STT3B: variants seen among roughly 807,000 people sequenced by gnomAD.
STT3B encodes the protein dolichyl-diphosphooligosaccharide--protein glycosyltransferase subunit STT3B.
In STT3B, 29 loss-of-function variants were observed where a neutral mutation model predicts 96.8. The ratio of observed to expected loss-of-function variants is 0.30; its 90% CI spans 0.22 to 0.41. The LOEUF (loss-of-function observed/expected upper bound fraction) is 0.41. Among genes scored for constraint, STT3B ranks in the 10% least tolerant of loss-of-function variants. The pLI, the probability that STT3B is intolerant of heterozygous loss-of-function variation, is 1.00. For missense variants in STT3B, 640 were observed against 1,022.3 expected (o/e 0.63, Z 5.10); for synonymous variants, 367 against 360.0 (o/e 1.02, Z -0.22).
chr3:31,566,417 AGTGT>A (rs1698008150), intron 1 of STT3B, among the ~76,000 whole-genome samples: 1 of 152,142 alleles, frequency 6.6e-6, no homozygotes, highest in Admixed American at 6.5e-5. Context: ...GCCGCAAAGG[AGTGT>A]GTATGTGTGT....
chr3:31,564,100 T>A (rs953717685), intron 1 of STT3B, among the ~76,000 whole-genome samples: 3 of 152,158 alleles, frequency 2.0e-5, no homozygotes, highest in Admixed American at 2.0e-4. Context: ...ATTAAACCAG[T>A]TACACTATTT....
chr3:31,560,932 C>G (rs1052337362), intron 1 of STT3B, among the ~76,000 whole-genome samples: 1 of 151,908 alleles, frequency 6.6e-6, no homozygotes, highest in Non-Finnish European at 1.5e-5. Context: ...AGACTTTGTT[C>G]ATGTTTTTAA....
intron 1 of STT3B, among the ~76,000 whole-genome samples, chr3:31,568,566 A>G (rs567660877): frequency 7.9e-5 from 12 of 152,254 alleles, no homozygotes; most frequent in Admixed American, 6.5e-4. Flanking sequence ...CTGAGGTGAG[A>G]TGTTATCTGA....
rs574809408 is a variant in STT3B at position 31,566,438 on chromosome 3, T to G, written c.315-9958T>G. ...AAGGAGTGTGTATGTGTGTGATGAT[T>G]AAATGAAAAATAGGATCATAGTGTC... On this transcript the variant is annotated intron_variant, in intron 1 of 15. Coordinates refer to ENST00000295770, the MANE Select transcript of STT3B (RefSeq NM_178862.3). Among the ~76,000 whole-genome samples, 115 of 152,332 alleles carry G rather than the reference T, an allele frequency of 7.5e-4. 1 individual carries two copies. The highest frequency in any genetic ancestry group is 1.4e-3 in the South Asian group (7 of 4,830).
chr3:31,590,094 T>A (rs1244580419), intron 3 of STT3B, among the ~76,000 whole-genome samples: 1 of 151,988 alleles, frequency 6.6e-6, no homozygotes, highest in Non-Finnish European at 1.5e-5. Flanking sequence ...AAAGTTTTTT[T>A]ATTTTATCTA....
rs1696975759 is a variant in STT3B at position 31,533,024 on chromosome 3, G to A, written c.26G>A (p.Ser9Asn). MAEPSAPE[S>N]KHKSSLNSSP... ...ATGGCGGAGCCCTCGGCCCCGGAGA[G>A]CAAGCACAAGTCGTCCCTCAACTCG... is the stretch of plus-strand genomic sequence containing the variant. Residue 9 changes from serine to asparagine, a missense_variant, in exon 1 of 16, where the codon AGC (serine) becomes AAC (asparagine). Physicochemically the swap from Ser to Asn is conservative, Grantham distance 46 (BLOSUM62 1). Transcript: ENST00000295770. The A allele has an allele frequency of 1.9e-6, 3 of 1,588,904 alleles. No homozygotes were observed. The highest frequency in any genetic ancestry group is 1.7e-6 in the Non-Finnish European group (2 of 1,169,152).
intron 1 of STT3B, among the ~76,000 whole-genome samples, chr3:31,572,027 T>TATTAATATATGATATATTAATATAG (rs1698159653): frequency 4.4e-5 from 2 of 45,392 alleles, no homozygotes; most frequent in Admixed American, 7.5e-4. Flanking sequence ...TATTAATATA[T>TATTAATATATGATATATTAATATAG]ATTAATATAT....
chr3:31,535,160 T>C (rs896914322), intron 1 of STT3B, among the ~76,000 whole-genome samples: 1 of 152,088 alleles, frequency 6.6e-6, no homozygotes, highest in South Asian at 2.1e-4. Flanking sequence ...GGGGCTGAAA[T>C]TAAAGATTGC....
At chr3:31,607,922 A>G (rs1385545283) in intron 5 of STT3B, among the ~76,000 whole-genome samples, 1 of 152,084 alleles carries the variant, frequency 6.6e-6, no homozygotes, top group Non-Finnish European at 1.5e-5. Flanking sequence ...ATATAGCTAC[A>G]TTTTGTTGCC....
intron 3 of STT3B, among the ~76,000 whole-genome samples, chr3:31,592,557 G>A (rs1238597831): frequency 6.6e-6 from 1 of 152,004 alleles, no homozygotes; most frequent in Admixed American, 6.6e-5. Flanking sequence ...CACCGACACT[G>A]CACAAAGGTT....
At chr3:31,576,306 T>C (rs1475032695) in intron 1 of STT3B, 90 bp from the exon 2 acceptor site, 2 of 655,154 alleles carry the variant, frequency 3.1e-6, no homozygotes, top group Non-Finnish European at 5.0e-6. Context: ...CTCTGAAAGA[T>C]ACATTTATGT....
intron 2 of STT3B, among the ~76,000 whole-genome samples, chr3:31,578,795 G>A (rs1236761794): frequency 6.6e-6 from 1 of 151,834 alleles, no homozygotes; most frequent in Non-Finnish European, 1.5e-5. Flanking sequence ...TTATATTCTT[G>A]TGAGCGTAGG....
chr3:31,565,625 G>C (rs974526084), intron 1 of STT3B, among the ~76,000 whole-genome samples: 1 of 152,176 alleles, frequency 6.6e-6, no homozygotes, highest in Admixed American at 6.6e-5. Flanking sequence ...ATGTGAGCTA[G>C]AGATAGGGAC....
At chr3:31,584,472 A>G (rs894243581) in intron 3 of STT3B, among the ~76,000 whole-genome samples, 1 of 152,098 alleles carries the variant, frequency 6.6e-6, no homozygotes, top group Non-Finnish European at 1.5e-5. Context: ...TTTAAGTGGC[A>G]TGATATTGTT....
At chr3:31,577,972 T>TA (rs1417682388) in intron 2 of STT3B, among the ~76,000 whole-genome samples, 1 of 152,176 alleles carries the variant, frequency 6.6e-6, no homozygotes, top group East Asian at 1.9e-4. Context: ...ATCATCCCTG[T>TA]AATAATCTTT....
chr3:31,625,223 C>T (rs1699510309), intron 12 of STT3B, 138 bp downstream of exon 12: 1 of 659,582 alleles, frequency 1.5e-6, no homozygotes, highest in Admixed American at 3.2e-5. Flanking sequence ...CACATATGTT[C>T]AATAAAGTGA....
intron 3 of STT3B, among the ~76,000 whole-genome samples, chr3:31,594,175 A>T (rs1698734267): frequency 6.6e-6 from 1 of 152,186 alleles, no homozygotes; most frequent in African/African-American, 2.4e-5. Flanking sequence ...ATAATCATCA[A>T]TACAGAAGAC....
chr3:31,533,329 C>T lies in STT3B; in HGVS notation c.314+17C>T, dbSNP rs374450589. 19 of 1,503,782 alleles carry T rather than the reference C, an allele frequency of 1.3e-5. No homozygotes were observed. Among genetic ancestry groups the T allele is most frequent in the Non-Finnish European group, 1.7e-5 (19 of 1,124,456 alleles). The allele number at this position is 1,503,782 out of a possible 1,614,324, so 93.2% of individuals were successfully genotyped here. On this transcript the variant is annotated intron_variant, in intron 1 of 15. Transcript: ENST00000295770. ...CGACCCGTGGTAAGTGCCTCGCCGC[C>T]CCTCCCCCGCCCGTGGCCCGCGGGG...
chr3:31,537,113 G>A (rs983987902), intron 1 of STT3B, among the ~76,000 whole-genome samples: 10 of 152,280 alleles, frequency 6.6e-5, no homozygotes, highest in Non-Finnish European at 1.3e-4. Flanking sequence ...CTTTTTGCTG[G>A]GCAGAAAGTT....
Sources: allele counts gnomAD v4.1 joint callset (sites outside exome capture counted in the v4.1 genomes callset), GRCh38; gene constraint gnomAD v4.1.1; transcripts MANE v1.5; gene names NCBI Gene and HGNC (gene_info 2026-07-23, HGNC 2026-07-21).